The following CCER1 variants were observed in gnomAD, a reference collection of about 807,000 sequenced individuals.
The protein encoded by CCER1 is coiled-coil glutamate rich protein 1.
For missense variants in CCER1, 573 were observed against 524.5 expected (o/e 1.09, Z -0.90); for synonymous variants, 246 against 213.8 (o/e 1.15, Z -1.31).
Position 90,954,412 on chromosome 12 carries a change from C to G in CCER1, c.331G>C (p.Val111Leu). 2 of 1,612,342 alleles carry G rather than the reference C, an allele frequency of 1.2e-6. No homozygotes were observed. Residue 111 changes from valine (V) to leucine (L), a missense_variant, in exon 1 of 1, where the codon GTG becomes CTG. By Grantham distance (32) the Val-to-Leu change is conservative. Coordinates refer to ENST00000358859, the MANE Select transcript of CCER1 (RefSeq NM_152638.4). The part of the protein sequence containing the change: ...KFPCPVQVFR[V>L]YGLHPLCFCC... The stretch of plus-strand genomic sequence containing the variant: ...AAGCAGAGAGGGTGCAGGCCATACA[C>G]CCGAAACACTTGCACCGGGCAGGGG...
Position 90,953,100 on chromosome 12 carries a change from G to C in CCER1, c.*422C>G, listed in dbSNP as rs1414422983. On this transcript the variant is annotated 3_prime_UTR_variant, in exon 1 of 1. Transcript: ENST00000358859. Reference sequence around the variant, plus strand: ...TAAGAGCACTGGTGAACATTTAGTAGCGTTAGAATGTGCTTCTTACGCATG... The same window carrying C: ...TAAGAGCACTGGTGAACATTTAGTACCGTTAGAATGTGCTTCTTACGCATG... 1.2e-5 allele frequency: 2 copies of C among 160,778 alleles called. No homozygotes were observed. Among genetic ancestry groups the C allele is most frequent in the Non-Finnish European group, 2.7e-5 (2 of 74,336 alleles). The allele number at this position is 160,778 out of a possible 1,614,324, so 10.0% of individuals were successfully genotyped here.
Position 90,953,530 on chromosome 12 carries a change from T to A in CCER1, c.1213A>T (p.Asn405Tyr), listed in dbSNP as rs779769895. 1 of 1,611,232 alleles carries A rather than the reference T, an allele frequency of 6.2e-7. No homozygotes were observed. The highest frequency in any genetic ancestry group is 8.5e-7 in the Non-Finnish European group (1 of 1,178,754). The part of the protein sequence containing the change: ...QESLFMAQDF[N>Y]C ...AATCCCTTTTCTGATGTCTAACAGT[T>A]AAAGTCCTGTGCCATGAACAGGGAT... The change falls in exon 1 of 1, where the codon AAC (asparagine) becomes TAC (tyrosine). Residue 405 changes from asparagine (N) to tyrosine (Y), a missense_variant. Coordinates refer to ENST00000358859, the MANE Select transcript of CCER1 (RefSeq NM_152638.4).
Position 90,954,364 on chromosome 12 carries a change from C to T in CCER1, c.379G>A (p.Gly127Arg). Residue 127 changes from glycine to arginine, a missense_variant, in exon 1 of 1, where the codon GGG becomes AGG. Gly to Arg is a moderately radical substitution (Grantham distance 125). Transcript: ENST00000358859. ...LCFCCCSCWS[G>R]SWNPGWVKPP... Reference sequence around the variant, plus strand: ...TTCACCCAGCCAGGGTTCCAGGACCCGCTCCAGCAGGAGCAGCAGCAAAAG... The same window carrying T: ...TTCACCCAGCCAGGGTTCCAGGACCTGCTCCAGCAGGAGCAGCAGCAAAAG... 3 of 1,610,370 alleles carry T rather than the reference C, an allele frequency of 1.9e-6. No homozygotes were observed. Among genetic ancestry groups the T allele is most frequent in the East Asian group, 2.2e-5 (1 of 44,840 alleles).
At position 90,954,008 on chromosome 12, in the gene CCER1, TC is replaced by T. The variant is rs1565866338; in HGVS notation, c.734del (p.Gly245AspfsTer15). Reference protein sequence around the residue: ...APPGGSKETWGLQETLYGFVQ... With the variant: ...APPGGSKETWXLQETLYGFVQ... ...CAAAGCCATACAGAGTTTCCTGCAG[TC>T]CCCAGGTTTCCTTGCTGCCGCCAGG... On this transcript the variant is annotated frameshift_variant, in exon 1 of 1. Coordinates refer to ENST00000358859, the MANE Select transcript of CCER1 (RefSeq NM_152638.4). LOFTEE classifies it low-confidence loss of function (END_TRUNC). 3.7e-6 allele frequency: 6 copies of T among 1,614,090 alleles called. No individual in the cohort carries two copies. In the South Asian group the frequency reaches 4.4e-5, roughly 12 times the overall value.
At position 90,953,578 on chromosome 12, in the gene CCER1, T is replaced by A. The variant is rs763289076; in HGVS notation, c.1165A>T (p.Ile389Leu). Reference sequence around the variant, plus strand: ...GATTCCTGTGGCACTTTGGGAATTATCTGCTCTGGGTTTAAAAAAGTGCAG... The same window carrying A: ...GATTCCTGTGGCACTTTGGGAATTAACTGCTCTGGGTTTAAAAAAGTGCAG... ...ISCTFLNPEQIIPKVPQESLF... is the reference protein window; with the variant it reads ...ISCTFLNPEQLIPKVPQESLF... The change falls in exon 1 of 1, where the codon ATA becomes TTA. Residue 389 changes from isoleucine to leucine, a missense_variant. Coordinates refer to ENST00000358859, the MANE Select transcript of CCER1 (RefSeq NM_152638.4). 2 of 1,614,170 alleles carry A rather than the reference T, an allele frequency of 1.2e-6. No individual in the cohort carries two copies. The highest frequency in any genetic ancestry group is 1.7e-6 in the Non-Finnish European group (2 of 1,180,020).
chr12:90,953,959 T>TA lies in CCER1; in HGVS notation c.783_784insT (p.Ser262Ter), dbSNP rs761936659. The TA allele has an allele frequency of 5.6e-6, 9 of 1,614,230 alleles. No homozygotes were observed. In the East Asian group the frequency reaches 2.0e-4, roughly 36 times the overall value. The stretch of plus-strand genomic sequence containing the variant: ...GACTGGTTTTCCTCTGGGTTGGGAC[T>TA]GAATGCTAGAGAGGGATTCTGCACA... On this transcript the variant is annotated frameshift_variant, in exon 1 of 1. Transcript: ENST00000358859. LOFTEE classifies it low-confidence loss of function (END_TRUNC).
chr12:90,952,675 C>T lies in CCER1; in HGVS notation c.*847G>A, dbSNP rs1876505714. On this transcript the variant is annotated 3_prime_UTR_variant, in exon 1 of 1. Coordinates refer to ENST00000358859, the MANE Select transcript of CCER1 (RefSeq NM_152638.4). ...AATCTTTTTATCTAAAAAAAAAAAT[C>T]CATTCTGGAAAACTATTTTTATGGC... The T allele has an allele frequency of 6.6e-6, 1 of 151,606 alleles. No individual in the cohort carries two copies. The highest frequency in any genetic ancestry group is 1.9e-4 in the East Asian group (1 of 5,168). 9.4% of individuals were successfully genotyped at this position (151,606 alleles called of 1,614,324 possible).
rs1026570491 is a variant in CCER1, at chr12:90,954,346, A to C, written c.397T>G (p.Trp133Gly). ...SCWSGSWNPG[W>G]VKPPGRKKRW... Reference sequence around the variant, plus strand: ...TTCTTCCTGCCTGGGGGCTTCACCCAGCCAGGGTTCCAGGACCCGCTCCAG... The same window carrying C: ...TTCTTCCTGCCTGGGGGCTTCACCCCGCCAGGGTTCCAGGACCCGCTCCAG... The change falls in exon 1 of 1, where the codon TGG (tryptophan) becomes GGG (glycine). Residue 133 changes from tryptophan (W) to glycine (G), a missense_variant. Transcript: ENST00000358859. 7 of 1,608,832 alleles carry C rather than the reference A, an allele frequency of 4.4e-6. No homozygotes were observed. The highest frequency in any genetic ancestry group is 1.7e-4 in the Middle Eastern group (1 of 6,060).
In CCER1 at chr12:90,953,283, TAATAA is replaced by T. The variant is rs987628764; in HGVS notation, c.*234_*238del. 1.4e-4 allele frequency: 58 copies of T among 403,742 alleles called. No individual in the cohort carries two copies. Among genetic ancestry groups the T allele is most frequent in the Non-Finnish European group, 2.1e-4 (49 of 230,472 alleles). 25.0% of individuals were successfully genotyped at this position (403,742 alleles called of 1,614,324 possible). A position where few individuals can be genotyped will look rare whatever the true frequency, so the allele number is the denominator to read the frequency against. On this transcript the variant is annotated 3_prime_UTR_variant, in exon 1 of 1. Transcript: ENST00000358859. Reference sequence around the variant, plus strand: ...CCAAATGAAAATATTCAAATGGTAGTAATAAAATACTTGGCCTTTAATCAGTTCCA... The same window carrying T: ...CCAAATGAAAATATTCAAATGGTAGTAATACTTGGCCTTTAATCAGTTCCA...
At position 90,953,664 on chromosome 12, in the gene CCER1, G is replaced by C. The variant is rs1400127200; in HGVS notation, c.1079C>G (p.Pro360Arg). 1 of 1,614,082 alleles carries C rather than the reference G, an allele frequency of 6.2e-7. No homozygotes were observed. The highest frequency in any genetic ancestry group is 2.2e-5 in the East Asian group (1 of 44,860). ...NEQRGEEFHL[P>R]LEMPLSIFVE... The stretch of plus-strand genomic sequence containing the variant: ...GAAGATTGATAAAGGCATTTCCAGA[G>C]GCAAGTGAAATTCTTCCCCTCTCTG... The change falls in exon 1 of 1, where the codon CCT (proline) becomes CGT (arginine). Residue 360 changes from proline to arginine, a missense_variant. Coordinates refer to ENST00000358859, the MANE Select transcript of CCER1 (RefSeq NM_152638.4).
At position 90,952,470 on chromosome 12, in the gene CCER1, C is replaced by T. The variant is rs1488000759; in HGVS notation, c.*1052G>A. Reference sequence around the variant, plus strand: ...TCCAGGAAGAAATGTATTATTACTTCCTAAAAATGTTTGAACAAAAGCTAT... The same window carrying T: ...TCCAGGAAGAAATGTATTATTACTTTCTAAAAATGTTTGAACAAAAGCTAT... On this transcript the variant is annotated 3_prime_UTR_variant, in exon 1 of 1. Transcript: ENST00000358859. The T allele has an allele frequency of 1.3e-5, 2 of 152,150 alleles. No homozygotes were observed. The highest frequency in any genetic ancestry group is 2.9e-5 in the Non-Finnish European group (2 of 68,034). 9.4% of individuals were successfully genotyped at this position (152,150 alleles called of 1,614,324 possible). A position where few individuals can be genotyped will look rare whatever the true frequency, so the allele number is the denominator to read the frequency against.
In CCER1 at chr12:90,952,895, G is replaced by A. The variant is rs1294346077; in HGVS notation, c.*627C>T. ...ACCAGTTCCACAGAAGCAACTTCAT[G>A]TTCTTCTGAGGAAGATCCATAGCAC... On this transcript the variant is annotated 3_prime_UTR_variant, in exon 1 of 1. Coordinates refer to ENST00000358859, the MANE Select transcript of CCER1 (RefSeq NM_152638.4). The A allele has an allele frequency of 1.3e-5, 2 of 152,586 alleles. No homozygotes were observed. The highest frequency in any genetic ancestry group is 4.8e-5 in the African/African-American group (2 of 41,420). 9.5% of individuals were successfully genotyped at this position (152,586 alleles called of 1,614,324 possible). A position where few individuals can be genotyped will look rare whatever the true frequency, so the allele number is the denominator to read the frequency against.
rs1876613654 is a variant in CCER1 at position 90,954,945 on chromosome 12, C to A, written c.-203G>T. 1 of 1,029,530 alleles carries A rather than the reference C, an allele frequency of 9.7e-7. No individual in the cohort carries two copies. The highest frequency in any genetic ancestry group is 2.7e-5 in the East Asian group (1 of 37,346). 63.8% of individuals were successfully genotyped at this position (1,029,530 alleles called of 1,614,324 possible). On this transcript the variant is annotated 5_prime_UTR_variant, in exon 1 of 1. It adds an upstream start codon to the 5' untranslated region. Coordinates refer to ENST00000358859, the MANE Select transcript of CCER1 (RefSeq NM_152638.4). ...CGCTCTTCGGTAGTAATCGCTTGTC[C>A]TTCGCACCTGGGTTGTCTCGCCCAG...
At position 90,954,307 on chromosome 12, in the gene CCER1, T is replaced by A. The variant is rs1395247917; in HGVS notation, c.436A>T (p.Arg146Ter). Reference protein sequence around the residue: ...PPGRKKRWGRRGRGLRHHPRH... With the variant: ...PPGRKKRWGR Reference sequence around the variant, plus strand: ...GGGTGGTGGCGCAGGCCGCGGCCTCTGCGGCCCCAGCGCTTCTTCCTGCCT... The same window carrying A: ...GGGTGGTGGCGCAGGCCGCGGCCTCAGCGGCCCCAGCGCTTCTTCCTGCCT... The change falls in exon 1 of 1, where the codon AGA becomes TGA. Residue 146 changes from arginine (R) to a stop codon, truncating the protein, a stop_gained. Coordinates refer to ENST00000358859, the MANE Select transcript of CCER1 (RefSeq NM_152638.4). LOFTEE classifies it low-confidence loss of function (END_TRUNC). 3.7e-6 allele frequency: 6 copies of A among 1,602,222 alleles called. No individual in the cohort carries two copies. The highest frequency in any genetic ancestry group is 4.2e-6 in the Non-Finnish European group (5 of 1,178,288).
At position 90,953,551 on chromosome 12, in the gene CCER1, G is replaced by C; in HGVS notation, c.1192C>G (p.Leu398Val). 1 of 1,613,814 alleles carries C rather than the reference G, an allele frequency of 6.2e-7. No homozygotes were observed. The highest frequency in any genetic ancestry group is 2.2e-5 in the East Asian group (1 of 44,882). ...QIIPKVPQES[L>V]FMAQDFNC ...CAGTTAAAGTCCTGTGCCATGAACA[G>C]GGATTCCTGTGGCACTTTGGGAATT... Residue 398 changes from leucine to valine, a missense_variant, in exon 1 of 1, where the codon CTG becomes GTG. Transcript: ENST00000358859.
In CCER1 at chr12:90,954,543, G is replaced by A; in HGVS notation, c.200C>T (p.Pro67Leu). The change falls in exon 1 of 1, where the codon CCG (proline) becomes CTG (leucine). Residue 67 changes from proline to leucine, a missense_variant. Physicochemically the swap from Pro to Leu is moderately conservative, Grantham distance 98. Coordinates refer to ENST00000358859, the MANE Select transcript of CCER1 (RefSeq NM_152638.4). ...AAAGCCCGGGCCGTGCTGTTGCTTC[G>A]GCTGCTTCCTTGGGGGCCCATACTC... ...KTEYGPPRKQ[P>L]KQQHGPGFWF... 1 of 1,613,490 alleles carries A rather than the reference G, an allele frequency of 6.2e-7. No individual in the cohort carries two copies. The highest frequency in any genetic ancestry group is 1.3e-5 in the African/African-American group (1 of 75,012).
chr12:90,953,603 G>C lies in CCER1; in HGVS notation c.1140C>G (p.Ser380Arg). The change falls in exon 1 of 1, where the codon AGC becomes AGG. Residue 380 changes from serine to arginine, a missense_variant. Transcript: ENST00000358859. ...EAEEKRENFI[S>R]CTFLNPEQII... ...TCTGCTCTGGGTTTAAAAAAGTGCA[G>C]CTTATAAAGTTCTCTCTCTTTTCTT... The C allele has an allele frequency of 1.2e-6, 2 of 1,614,132 alleles. No homozygotes were observed. The highest frequency in any genetic ancestry group is 1.7e-6 in the Non-Finnish European group (2 of 1,180,022).
Position 90,953,976 on chromosome 12 carries a change from T to C in CCER1, c.767A>G (p.Asn256Ser). 1 of 1,614,176 alleles carries C rather than the reference T, an allele frequency of 6.2e-7. No individual in the cohort carries two copies. The highest frequency in any genetic ancestry group is 8.5e-7 in the Non-Finnish European group (1 of 1,180,030). The change falls in exon 1 of 1, where the codon AAT becomes AGT. Residue 256 changes from asparagine (N) to serine (S), a missense_variant. By Grantham distance (46) the Asn-to-Ser change is conservative. Coordinates refer to ENST00000358859, the MANE Select transcript of CCER1 (RefSeq NM_152638.4). ...GTTGGGACTGAATGCTAGAGAGGGATTCTGCACAAAGCCATACAGAGTTTC... is the reference window on the plus strand; with the variant it reads ...GTTGGGACTGAATGCTAGAGAGGGACTCTGCACAAAGCCATACAGAGTTTC... ...LQETLYGFVQ[N>S]PSLAFSPNPE...
Position 90,954,935 on chromosome 12 carries a change from A to C in CCER1, c.-193T>G. 8.9e-7 allele frequency: 1 copy of C among 1,129,482 alleles called. No individual in the cohort carries two copies. The highest frequency in any genetic ancestry group is 1.7e-5 in the South Asian group (1 of 58,920). The allele number at this position is 1,129,482 out of a possible 1,614,324, so 70.0% of individuals were successfully genotyped here. ...CTGGTTTGCACGCTCTTCGGTAGTAATCGCTTGTCCTTCGCACCTGGGTTG... is the reference window on the plus strand; with the variant it reads ...CTGGTTTGCACGCTCTTCGGTAGTACTCGCTTGTCCTTCGCACCTGGGTTG... On this transcript the variant is annotated 5_prime_UTR_variant, in exon 1 of 1. Coordinates refer to ENST00000358859, the MANE Select transcript of CCER1 (RefSeq NM_152638.4).
Sources: gnomAD v4.1 joint callset for allele counts on GRCh38, gnomAD v4.1.1 for gene constraint, MANE v1.5 for transcripts, NCBI Gene and HGNC (gene_info 2026-07-23, HGNC 2026-07-21) for gene names.